Variants in SLC24A2 observed in about 807,000 individuals in gnomAD.
SLC24A2 encodes the protein solute carrier family 24 member 2, also known as sodium/potassium/calcium exchanger 2.
Under a neutral mutation model 62.0 loss-of-function variants are expected in SLC24A2, and 36 were observed. The observed-to-expected ratio is 0.58, with a 90% CI of 0.44 to 0.77. SLC24A2 has a LOEUF of 0.77. Ranked by LOEUF, SLC24A2 falls within the 30% of genes least tolerant of loss-of-function variation. The pLI, the probability that SLC24A2 is intolerant of heterozygous loss-of-function variation, is 0.00. For synonymous variants in SLC24A2, 358 were observed against 294.0 expected, an observed-to-expected ratio of 1.22 and a Z score of -2.23; for missense variants, 846 against 817.9, an observed-to-expected ratio of 1.03 and a Z score of -0.42.
At chr9:19,815,659 A>G in the SLC24A2 span, among the ~76,000 whole-genome samples, 1 of 152,202 alleles carries the variant, frequency 6.6e-6, no homozygotes, top group African/African-American at 2.4e-5. Context: ...CAGTTTCAAA[A>G]GAGTCACCGG....
the SLC24A2 span, among the ~76,000 whole-genome samples, chr9:19,890,872 G>C: frequency 6.6e-6 from 1 of 152,076 alleles, no homozygotes; most frequent in African/African-American, 2.4e-5. Context: ...TTTCTCATTA[G>C]CTACAGAATC....
At chr9:19,963,578 C>T in the SLC24A2 span, among the ~76,000 whole-genome samples, 1 of 152,220 alleles carries the variant, frequency 6.6e-6, no homozygotes, top group Non-Finnish European at 1.5e-5. Context: ...AGACACTTCT[C>T]AAAAGAAGAC....
At chr9:19,862,778 G>A in the SLC24A2 span, among the ~76,000 whole-genome samples, 1 of 151,818 alleles carries the variant, frequency 6.6e-6, no homozygotes, top group Non-Finnish European at 1.5e-5. Flanking sequence ...TTAAAATAAT[G>A]GGCTATCAGA....
At chr9:20,110,296 C>T in the SLC24A2 span, among the ~76,000 whole-genome samples, 1 of 152,058 alleles carries the variant, frequency 6.6e-6, no homozygotes, top group Non-Finnish European at 1.5e-5. Context: ...TATTTTATAG[C>T]AGGAAATTTT....
chr9:19,859,151 G>A, the SLC24A2 span, among the ~76,000 whole-genome samples: 1 of 152,154 alleles, frequency 6.6e-6, no homozygotes, highest in Non-Finnish European at 1.5e-5. Flanking sequence ...ATATGTCATG[G>A]AATACTATGC....
At chr9:19,679,038 T>G (rs995868099) in intron 2 of SLC24A2, among the ~76,000 whole-genome samples, 1 of 152,200 alleles carries the variant, frequency 6.6e-6, no homozygotes, top group African/African-American at 2.4e-5. Flanking sequence ...GTTCTAATCC[T>G]GCCCTGATAC....
At chr9:19,547,897 G>C (rs1834662881) in intron 8 of SLC24A2, among the ~76,000 whole-genome samples, 1 of 151,730 alleles carries the variant, frequency 6.6e-6, no homozygotes, top group East Asian at 1.9e-4. Flanking sequence ...TGTGGTGTGA[G>C]CCAAGAAAAA....
intron 8 of SLC24A2, among the ~76,000 whole-genome samples, chr9:19,547,697 C>T (rs1247096933): frequency 6.6e-6 from 1 of 151,650 alleles, no homozygotes; most frequent in East Asian, 1.9e-4. Flanking sequence ...CTCTCATCAA[C>T]CAATCTGCCC....
At chr9:19,958,506 G>A in the SLC24A2 span, among the ~76,000 whole-genome samples, 1 of 152,172 alleles carries the variant, frequency 6.6e-6, no homozygotes, top group African/African-American at 2.4e-5. Flanking sequence ...GCACTGTACT[G>A]TACTCCAGGC....
the SLC24A2 span, among the ~76,000 whole-genome samples, chr9:19,972,131 G>C: frequency 1.3e-5 from 2 of 152,016 alleles, no homozygotes; most frequent in South Asian, 2.1e-4. Context: ...CTATGTTTCT[G>C]ACACTGCATG....
chr9:19,970,813 A>G, the SLC24A2 span, among the ~76,000 whole-genome samples: 1 of 152,224 alleles, frequency 6.6e-6, no homozygotes, highest in Non-Finnish European at 1.5e-5. Context: ...ATGAAATCCT[A>G]GAGTATATAT....
At chr9:19,650,278 A>G (rs1351728234) in intron 2 of SLC24A2, among the ~76,000 whole-genome samples, 1 of 152,238 alleles carries the variant, frequency 6.6e-6, no homozygotes, top group East Asian at 1.9e-4. Flanking sequence ...ATTGGGTCTC[A>G]GGAGTCTATG....
the SLC24A2 span, among the ~76,000 whole-genome samples, chr9:19,856,641 G>GCAAA: frequency 2.0e-5 from 3 of 152,172 alleles, no homozygotes; most frequent in Non-Finnish European, 4.4e-5. Context: ...CTGCAGAATA[G>GCAAA]CAAAGATGAC....
chr9:19,568,419 C>T (rs1244229669), intron 7 of SLC24A2, among the ~76,000 whole-genome samples: 1 of 152,208 alleles, frequency 6.6e-6, no homozygotes, highest in Non-Finnish European at 1.5e-5. Context: ...ACATGGTCTA[C>T]CAATAGACGC....
At chr9:19,727,510 T>C (rs1231913015) in intron 2 of SLC24A2, among the ~76,000 whole-genome samples, 1 of 152,104 alleles carries the variant, frequency 6.6e-6, no homozygotes. Context: ...GAAGGGAAGC[T>C]CCAAGCAGGC....
intron 2 of SLC24A2, among the ~76,000 whole-genome samples, chr9:19,690,036 C>A (rs775809561): frequency 5.3e-5 from 8 of 152,096 alleles, no homozygotes; most frequent in Non-Finnish European, 8.8e-5. Flanking sequence ...TTTCGAATTT[C>A]CAGACAGACA....
At chr9:20,167,378 T>C in the SLC24A2 span, among the ~76,000 whole-genome samples, 1 of 151,996 alleles carries the variant, frequency 6.6e-6, no homozygotes, top group Non-Finnish European at 1.5e-5. Context: ...CTGAAGTTCT[T>C]ACTGTGGAGA....
intron 9 of SLC24A2, among the ~76,000 whole-genome samples, chr9:19,527,816 A>T (rs538601198): frequency 6.6e-6 from 1 of 152,298 alleles, no homozygotes; most frequent in East Asian, 1.9e-4. Flanking sequence ...AAGTAGTTAG[A>T]CTTGCCTGCC....
the SLC24A2 span, among the ~76,000 whole-genome samples, chr9:19,965,591 C>T: frequency 6.6e-6 from 1 of 152,132 alleles, no homozygotes; most frequent in Non-Finnish European, 1.5e-5. Flanking sequence ...CCCGGTGACT[C>T]AATTCAGTGA....
Sources: allele counts gnomAD v4.1 joint callset (sites outside exome capture counted in the v4.1 genomes callset), GRCh38; gene constraint gnomAD v4.1.1; transcripts MANE v1.5; gene names NCBI Gene and HGNC (gene_info 2026-07-23, HGNC 2026-07-21).